Variants in DDR2 observed in about 807,000 individuals in gnomAD.
DDR2 encodes the protein discoidin domain receptor tyrosine kinase 2, also known as discoidin domain-containing receptor 2.
In DDR2, 27 loss-of-function variants were observed where a neutral mutation model predicts 94.9. The ratio of observed to expected loss-of-function variants is 0.28; its 90% CI spans 0.21 to 0.39. DDR2 has a LOEUF of 0.39. Ranked by LOEUF, DDR2 falls within the 10% of genes least tolerant of loss-of-function variation. The pLI, the probability that DDR2 is intolerant of heterozygous loss-of-function variation, is 1.00. For missense variants in DDR2, 783 were observed against 1,076.0 expected (o/e 0.73, Z 3.81); for synonymous variants, 382 against 377.2 (o/e 1.01, Z -0.15).
At chr1:162,769,588 G>C (rs1177828650) in intron 11 of DDR2, among the ~76,000 whole-genome samples, 1 of 152,208 alleles carries the variant, frequency 6.6e-6, no homozygotes, top group Non-Finnish European at 1.5e-5. Context: ...GTTTGTTGGA[G>C]TGGAGCATTT....
At chr1:162,699,204 G>A (rs1284713427) in intron 2 of DDR2, among the ~76,000 whole-genome samples, 2 of 152,174 alleles carry the variant, frequency 1.3e-5, no homozygotes, top group African/African-American at 2.4e-5. Flanking sequence ...ATTTCTCAAT[G>A]CCTTCTGAAA....
chr1:162,756,182 A>C (rs1366918496), intron 7 of DDR2, among the ~76,000 whole-genome samples: 1 of 152,238 alleles, frequency 6.6e-6, no homozygotes, highest in African/African-American at 2.4e-5. Context: ...GACCTTATAC[A>C]TATAAATGCT....
chr1:162,721,363 A>G (rs1661415176), intron 3 of DDR2, among the ~76,000 whole-genome samples: 1 of 152,152 alleles, frequency 6.6e-6, no homozygotes, highest in South Asian at 2.1e-4. Flanking sequence ...TCTGACAGGG[A>G]AAGAGAAATA....
intron 2 of DDR2, among the ~76,000 whole-genome samples, chr1:162,684,825 A>ACG (rs1659600246): frequency 1.5e-5 from 2 of 131,166 alleles, no homozygotes; most frequent in South Asian, 5.0e-4. Context: ...ACACACACAC[A>ACG]CACACACACA....
In DDR2 at chr1:162,755,224, A is replaced by C; in HGVS notation, c.486A>C (p.Arg162Ser). 2 of 1,614,034 alleles carry C rather than the reference A, an allele frequency of 1.2e-6. No individual in the cohort carries two copies. Residue 162 changes from arginine to serine, a missense_variant, in exon 6 of 18, where the codon AGA becomes AGC. By Grantham distance (110) the Arg-to-Ser change is moderately radical. Transcript: ENST00000367921. The stretch of plus-strand genomic sequence containing the variant: ...ACTTGGAGCCGCCCATTGTAGCCAG[A>C]TTTGTCCGGTTCATTCCAGTCACCG... ...LKDLEPPIVA[R>S]FVRFIPVTDH...
At chr1:162,641,992 C>T (rs1325425599) in intron 1 of DDR2, among the ~76,000 whole-genome samples, 1 of 152,100 alleles carries the variant, frequency 6.6e-6, no homozygotes, top group Non-Finnish European at 1.5e-5. Context: ...TCCCTGTCGC[C>T]CAGGCTAGAG....
intron 2 of DDR2, among the ~76,000 whole-genome samples, chr1:162,670,365 C>G (rs903366224): frequency 2.6e-5 from 4 of 152,230 alleles, no homozygotes; most frequent in Admixed American, 1.3e-4. Context: ...CTTGGCCTCC[C>G]AAGGTACTGG....
chr1:162,676,161 G>A (rs1252204803), intron 2 of DDR2, among the ~76,000 whole-genome samples: 1 of 88,298 alleles, frequency 1.1e-5, no homozygotes, highest in Non-Finnish European at 3.4e-5. Flanking sequence ...AGTGCAAGTG[G>A]ACAGTCAAGA....
At position 162,783,466 on chromosome 1, in the gene DDR2, A is replaced by T. The variant is rs1294662964; in HGVS notation, c.*3220A>T. 6.6e-6 allele frequency: 1 copy of T among 152,152 alleles called. No individual in the cohort carries two copies. The highest frequency in any genetic ancestry group is 2.4e-5 in the African/African-American group (1 of 41,428). 9.4% of individuals were successfully genotyped at this position (152,152 alleles called of 1,614,324 possible). ...GTCAGGGCTAGAAAGGAGGCTACAT[A>T]AAAAGGGGCAATGGAGAATGCACAG... On this transcript the variant is annotated 3_prime_UTR_variant, in exon 18 of 18. Transcript: ENST00000367921.
At chr1:162,722,209 G>C (rs971424863) in intron 3 of DDR2, among the ~76,000 whole-genome samples, 7 of 152,210 alleles carry the variant, frequency 4.6e-5, no homozygotes, top group Non-Finnish European at 1.5e-5. Context: ...AGAGTTTTTG[G>C]CTCACTGTTC....
intron 1 of DDR2, among the ~76,000 whole-genome samples, chr1:162,652,386 T>A (rs1359127793): frequency 1.3e-5 from 2 of 152,172 alleles, no homozygotes; most frequent in East Asian, 3.8e-4. Context: ...GGGAGGAATG[T>A]AGGAAAGCAG....
chr1:162,670,045 A>G (rs1658757507), intron 2 of DDR2, among the ~76,000 whole-genome samples: 1 of 152,242 alleles, frequency 6.6e-6, no homozygotes, highest in Non-Finnish European at 1.5e-5. Context: ...TCTAAAGGTT[A>G]AAAAGGTTTA....
intron 3 of DDR2, among the ~76,000 whole-genome samples, chr1:162,723,735 C>A (rs1381331470): frequency 6.6e-6 from 1 of 152,140 alleles, no homozygotes; most frequent in African/African-American, 2.4e-5. Flanking sequence ...GCAAACCAGG[C>A]CTTTAGGATC....
At chr1:162,727,890 G>C (rs1212689461) in intron 3 of DDR2, among the ~76,000 whole-genome samples, 2 of 148,306 alleles carry the variant, frequency 1.3e-5, no homozygotes, top group South Asian at 4.2e-4. Flanking sequence ...GGGCTATCTT[G>C]CCACATCCAT....
intron 1 of DDR2, among the ~76,000 whole-genome samples, chr1:162,634,079 G>A (rs964415770): frequency 6.6e-6 from 1 of 152,106 alleles, no homozygotes; most frequent in Non-Finnish European, 1.5e-5. Flanking sequence ...GTTACTTTTG[G>A]GGTCAAATTC....
At chr1:162,730,209 C>T (rs1194723340) in intron 3 of DDR2, among the ~76,000 whole-genome samples, 2 of 151,868 alleles carry the variant, frequency 1.3e-5, no homozygotes, top group South Asian at 2.1e-4. Context: ...GATAATGAAC[C>T]GAGGCCATTT....
intron 2 of DDR2, among the ~76,000 whole-genome samples, chr1:162,676,615 T>G (rs1289650770): frequency 6.6e-6 from 1 of 152,230 alleles, no homozygotes; most frequent in Non-Finnish European, 1.5e-5. Context: ...TTGCACATTT[T>G]GGAAACAACA....
At chr1:162,670,315 C>T (rs1658769940) in intron 2 of DDR2, among the ~76,000 whole-genome samples, 1 of 152,164 alleles carries the variant, frequency 6.6e-6, no homozygotes, top group African/African-American at 2.4e-5. Flanking sequence ...ACCATGTTGG[C>T]CAGGCTGGTC....
At chr1:162,666,573 G>A (rs1278949731) in intron 2 of DDR2, among the ~76,000 whole-genome samples, 1 of 152,158 alleles carries the variant, frequency 6.6e-6, no homozygotes, top group Non-Finnish European at 1.5e-5. Flanking sequence ...GAAAAAATGT[G>A]TGTGGGGGAA....
Sources: gnomAD v4.1 joint callset for allele counts (sites outside exome capture counted in the v4.1 genomes callset) on GRCh38, gnomAD v4.1.1 for gene constraint, MANE v1.5 for transcripts, NCBI Gene and HGNC (gene_info 2026-07-23, HGNC 2026-07-21) for gene names.